Variants in IQGAP2 observed in about 807,000 individuals in gnomAD.
IQGAP2 encodes IQ motif containing GTPase activating protein 2.
Under a neutral mutation model 201.3 loss-of-function variants are expected in IQGAP2, and 173 were observed. That is an observed-to-expected ratio of 0.86 (90% CI 0.76 to 0.98). IQGAP2 has a LOEUF of 0.98. Ranked by LOEUF, IQGAP2 falls within the 50% of genes least tolerant of loss-of-function variation. The probability of loss-of-function intolerance (pLI) is 0.00; values close to 1 mark genes in which losing one functional copy is unlikely to be tolerated. For missense variants in IQGAP2, 1,687 were observed against 1,864.8 expected (o/e 0.90, Z 1.76); for synonymous variants, 675 against 673.9 (o/e 1.00, Z -0.03).
rs114612344 is a variant in IQGAP2 at position 76,571,558 on chromosome 5, T to A, written c.381+901T>A. Among the ~76,000 whole-genome samples, 1,011 of 152,192 alleles carry A rather than the reference T, an allele frequency of 6.6e-3. 12 individuals carry two copies. The highest frequency in any genetic ancestry group is 0.023 in the African/African-American group (947 of 41,504). Reference sequence around the variant, plus strand: ...TTATAGCTCTTACTCCTAAAATAGATCTCCTAAATATAATTTAACTCAGCA... The same window carrying A: ...TTATAGCTCTTACTCCTAAAATAGAACTCCTAAATATAATTTAACTCAGCA... On this transcript the variant is annotated intron_variant, in intron 4 of 35. Transcript: ENST00000274364.
chr5:76,508,610 A>G (rs926529986), intron 2 of IQGAP2, among the ~76,000 whole-genome samples: 3 of 151,736 alleles, frequency 2.0e-5, no homozygotes, highest in African/African-American at 7.3e-5. Flanking sequence ...TGGGAGGCGG[A>G]GGCAAGAGAA....
intron 3 of IQGAP2, among the ~76,000 whole-genome samples, chr5:76,564,694 A>G (rs1329871125): frequency 6.6e-6 from 1 of 152,180 alleles, no homozygotes. Context: ...AATATTCGCA[A>G]TTTCTGGTTA....
chr5:76,408,783 C>CTTATTTAT (rs139211546), intron 1 of IQGAP2, among the ~76,000 whole-genome samples: 63 of 151,640 alleles, frequency 4.2e-4, no homozygotes, highest in African/African-American at 1.5e-3. Context: ...CCCAATCTCT[C>CTTATTTAT]TTATTTATTT....
intron 13 of IQGAP2, among the ~76,000 whole-genome samples, chr5:76,624,026 G>T (rs898257695): frequency 2.1e-5 from 3 of 143,468 alleles, no homozygotes; most frequent in African/African-American, 5.2e-5. Flanking sequence ...CCCAAACAAC[G>T]CTGTTCAGTT....
chr5:76,444,142 T>A (rs1043357754), intron 1 of IQGAP2, among the ~76,000 whole-genome samples: 1 of 152,124 alleles, frequency 6.6e-6, no homozygotes, highest in African/African-American at 2.4e-5. Flanking sequence ...TCCCATCACA[T>A]TGGGAGGCCA....
intron 2 of IQGAP2, among the ~76,000 whole-genome samples, chr5:76,557,816 A>AT (rs559386973): frequency 3.3e-5 from 5 of 151,650 alleles, no homozygotes; most frequent in Admixed American, 6.6e-5. Context: ...TTTATTTTTA[A>AT]TTTTTTTTGA....
intron 5 of IQGAP2, among the ~76,000 whole-genome samples, chr5:76,588,251 T>G (rs891823385): frequency 2.0e-5 from 3 of 152,216 alleles, no homozygotes; most frequent in Non-Finnish European, 2.9e-5. Context: ...AGCACATATA[T>G]TTTTTATAGA....
At chr5:76,490,578 A>G (rs1561411260) in intron 2 of IQGAP2, among the ~76,000 whole-genome samples, 1 of 152,196 alleles carries the variant, frequency 6.6e-6, no homozygotes, top group East Asian at 1.9e-4. Context: ...AACAATAACT[A>G]TATAAAACCC....
At chr5:76,589,343 C>A (rs1363032245) in intron 6 of IQGAP2, among the ~76,000 whole-genome samples, 4 of 150,570 alleles carry the variant, frequency 2.7e-5, no homozygotes, top group African/African-American at 4.9e-5. Flanking sequence ...TTACCAATAC[C>A]TTTTTTCCCC....
intron 1 of IQGAP2, among the ~76,000 whole-genome samples, chr5:76,408,786 A>T (rs773333319): frequency 2.0e-5 from 3 of 151,520 alleles, no homozygotes; most frequent in Non-Finnish European, 4.4e-5. Flanking sequence ...AATCTCTCTT[A>T]TTTATTTATT....
At position 76,477,370 on chromosome 5, in the gene IQGAP2, G is replaced by A. The variant is rs534395250; in HGVS notation, c.146+15701G>A. Among the ~76,000 whole-genome samples the A allele has an allele frequency of 1.1e-4, 16 of 152,172 alleles. 2 individuals are homozygous for A. Among genetic ancestry groups the A allele is most frequent in the African/African-American group, 2.6e-4 (11 of 41,540 alleles). On this transcript the variant is annotated intron_variant, in intron 2 of 35. Coordinates refer to ENST00000274364, the MANE Select transcript of IQGAP2 (RefSeq NM_006633.5). ...CAAAACAAAATAAAACATTACAGCC[G>A]CATTTGAATAAAGTGCTTTACACTA...
chr5:76,698,610 AT>A (rs1370527619), intron 33 of IQGAP2, among the ~76,000 whole-genome samples: 1 of 152,192 alleles, frequency 6.6e-6, no homozygotes, highest in African/African-American at 2.4e-5. Context: ...AACTGGCAAA[AT>A]TTGGCAGCTG....
intron 2 of IQGAP2, among the ~76,000 whole-genome samples, chr5:76,505,792 C>A (rs768682492): frequency 2.6e-5 from 4 of 152,152 alleles, no homozygotes; most frequent in Non-Finnish European, 5.9e-5. Context: ...CATATTTATT[C>A]ATTCAAGAAA....
intron 1 of IQGAP2, among the ~76,000 whole-genome samples, chr5:76,450,213 C>A (rs937507125): frequency 6.6e-6 from 1 of 152,172 alleles, no homozygotes; most frequent in Admixed American, 6.5e-5. Flanking sequence ...TTTACACAAT[C>A]ACGGGTTGTA....
At chr5:76,689,267 G>T (rs1246431706) in intron 30 of IQGAP2, among the ~76,000 whole-genome samples, 1 of 130,530 alleles carries the variant, frequency 7.7e-6, no homozygotes, top group African/African-American at 2.9e-5. Context: ...CCTGGTCGAG[G>T]AATCCTAAAA....
intron 2 of IQGAP2, among the ~76,000 whole-genome samples, chr5:76,518,074 A>C (rs545148096): frequency 6.6e-6 from 1 of 152,292 alleles, no homozygotes; most frequent in South Asian, 2.1e-4. Context: ...CTTCTGTCTC[A>C]GCCTCCCAAG....
intron 1 of IQGAP2, among the ~76,000 whole-genome samples, chr5:76,436,983 T>C (rs927197748): frequency 6.6e-6 from 1 of 152,304 alleles, no homozygotes; most frequent in Non-Finnish European, 1.5e-5. Flanking sequence ...TATGCATACA[T>C]TTATTGGCTT....
At chr5:76,485,295 G>C (rs1040705310) in intron 2 of IQGAP2, among the ~76,000 whole-genome samples, 1 of 152,134 alleles carries the variant, frequency 6.6e-6, no homozygotes, top group African/African-American at 2.4e-5. Context: ...GAGCTCTTTT[G>C]ACACATAAAG....
intron 2 of IQGAP2, among the ~76,000 whole-genome samples, chr5:76,519,384 T>C (rs1345702568): frequency 6.6e-6 from 1 of 152,258 alleles, no homozygotes; most frequent in Non-Finnish European, 1.5e-5. Context: ...TGTGTAATGA[T>C]ATGTTCCTTT....
Sources: gnomAD v4.1 joint callset for allele counts (sites outside exome capture counted in the v4.1 genomes callset) on GRCh38, gnomAD v4.1.1 for gene constraint, MANE v1.5 for transcripts, NCBI Gene and HGNC (gene_info 2026-07-23, HGNC 2026-07-21) for gene names.